Variants in PRELID2 observed in about 807,000 individuals in gnomAD.
The protein encoded by PRELID2 is PRELI domain-containing protein 2.
A neutral mutation model predicts 28.4 loss-of-function variants in PRELID2; 25 were observed. That is an observed-to-expected ratio of 0.88 (90% CI 0.64 to 1.23). PRELID2 has a LOEUF of 1.23. Among genes scored for constraint, PRELID2 ranks in the 50% most tolerant of loss-of-function variants. The pLI, the probability that PRELID2 is intolerant of heterozygous loss-of-function variation, is 0.00. For synonymous variants in PRELID2, 76 were observed against 71.6 expected (o/e 1.06, Z -0.31); for missense variants, 201 against 214.4 (o/e 0.94, Z 0.39).
At chr5:145,323,881 C>T in the PRELID2 span, among the ~76,000 whole-genome samples, 17 of 152,060 alleles carry the variant, frequency 1.1e-4, no homozygotes, top group East Asian at 3.9e-4. Flanking sequence ...CCATTTAGGT[C>T]GATTTCATGT....
intron 1 of PRELID2, among the ~76,000 whole-genome samples, chr5:145,482,868 A>G (rs1461680356): frequency 6.6e-6 from 1 of 151,778 alleles, no homozygotes; most frequent in Non-Finnish European, 1.5e-5. Flanking sequence ...CACAGTTCAC[A>G]ATAGGGTTCG....
chr5:145,630,057 T>C (rs1753910656), intron 1 of PRELID2, among the ~76,000 whole-genome samples: 1 of 152,152 alleles, frequency 6.6e-6, no homozygotes, highest in South Asian at 2.1e-4. Context: ...AAGGGTAGAC[T>C]TTTGTTTTAG....
At chr5:145,597,493 A>G (rs148060189) in intron 1 of PRELID2, among the ~76,000 whole-genome samples, 1 of 152,288 alleles carries the variant, frequency 6.6e-6, no homozygotes, top group East Asian at 1.9e-4. Context: ...GAACAATTTA[A>G]AATTCGAGAT....
rs529955191 is a variant in PRELID2 at position 145,648,258 on chromosome 5, C to T, written n.70+116673G>A. Among the ~76,000 whole-genome samples the T allele has an allele frequency of 4.6e-5, 7 of 152,172 alleles. No homozygotes were observed. In the South Asian group the frequency reaches 1.5e-3, roughly 32 times the overall value. ...CTGTGCATATCAACATGAATACATC[C>T]CTAAATAAAATGCTGGAAGTTTTTA... On this transcript the variant is annotated intron_variant and non_coding_transcript_variant, in intron 1 of 2. Transcript: ENST00000510259.
chr5:145,416,242 C>T, the PRELID2 span, among the ~76,000 whole-genome samples: 1 of 152,052 alleles, frequency 6.6e-6, no homozygotes, highest in East Asian at 1.9e-4. Context: ...GGATCCCTTC[C>T]TTACACCTTA....
At chr5:145,621,023 A>G (rs1405727366) in intron 1 of PRELID2, among the ~76,000 whole-genome samples, 3 of 152,196 alleles carry the variant, frequency 2.0e-5, no homozygotes, top group Non-Finnish European at 4.4e-5. Flanking sequence ...ACTGCCAAAA[A>G]TAAAAATAAT....
chr5:145,806,796 C>T (rs1404316628), intron 4 of PRELID2, among the ~76,000 whole-genome samples: 2 of 152,080 alleles, frequency 1.3e-5, no homozygotes, highest in Non-Finnish European at 2.9e-5. Context: ...TTAAAAGTGG[C>T]AGTTTCCCCT....
chr5:145,753,715 T>G (rs2149753712), downstream of PRELID2, among the ~76,000 whole-genome samples: 1 of 152,270 alleles, frequency 6.6e-6, no homozygotes, highest in Middle Eastern at 3.4e-3. Context: ...CACTGACCAA[T>G]AAACCAGAAA....
the PRELID2 span, among the ~76,000 whole-genome samples, chr5:145,376,042 C>A: frequency 4.6e-4 from 70 of 152,266 alleles, no homozygotes; most frequent in Admixed American, 1.4e-3. Context: ...TTGTCACAGA[C>A]GGCTCTTATT....
intron 1 of PRELID2, among the ~76,000 whole-genome samples, chr5:145,531,984 T>C (rs1394651102): frequency 6.6e-6 from 1 of 152,168 alleles, no homozygotes; most frequent in Non-Finnish European, 1.5e-5. Flanking sequence ...ATAGAAACTA[T>C]CACACAGGAG....
intron 1 of PRELID2, among the ~76,000 whole-genome samples, chr5:145,540,114 T>C (rs957284317): frequency 6.6e-6 from 1 of 151,998 alleles, no homozygotes; most frequent in Non-Finnish European, 1.5e-5. Flanking sequence ...CTGACTTGCA[T>C]CTCAACCCTA....
chr5:145,485,761 G>T (rs1183904043), intron 1 of PRELID2, among the ~76,000 whole-genome samples: 5 of 152,120 alleles, frequency 3.3e-5, no homozygotes, highest in Admixed American at 6.6e-5. Flanking sequence ...TAAGGTACAT[G>T]CTCATTCTCC....
At chr5:145,335,760 C>T in the PRELID2 span, among the ~76,000 whole-genome samples, 4 of 152,116 alleles carry the variant, frequency 2.6e-5, no homozygotes, top group African/African-American at 9.7e-5. Context: ...GCTCAAAGAA[C>T]CTTGCATAGT....
chr5:145,673,700 AAAAC>A (rs1345163412), intron 1 of PRELID2, among the ~76,000 whole-genome samples: 5 of 152,118 alleles, frequency 3.3e-5, no homozygotes, highest in East Asian at 1.9e-4. Context: ...AGACACATGC[AAAAC>A]AAACAAATTA....
intron 1 of PRELID2, among the ~76,000 whole-genome samples, chr5:145,639,475 A>C (rs1754058532): frequency 6.6e-6 from 1 of 152,190 alleles, no homozygotes; most frequent in African/African-American, 2.4e-5. Context: ...AAACTGTCTC[A>C]AACATTTAGA....
chr5:145,696,875 T>A (rs927070403), intron 1 of PRELID2, among the ~76,000 whole-genome samples: 1 of 151,488 alleles, frequency 6.6e-6, no homozygotes, highest in Admixed American at 6.6e-5. Flanking sequence ...AAAAATAGAA[T>A]GCATACAGTA....
At chr5:145,439,777 C>T in the PRELID2 span, among the ~76,000 whole-genome samples, 1 of 152,064 alleles carries the variant, frequency 6.6e-6, no homozygotes, top group Non-Finnish European at 1.5e-5. Context: ...GTACTCCTTA[C>T]CTGGATCTCC....
chr5:145,520,615 T>C (rs1339012043), intron 1 of PRELID2, among the ~76,000 whole-genome samples: 1 of 152,188 alleles, frequency 6.6e-6, no homozygotes, highest in Non-Finnish European at 1.5e-5. Flanking sequence ...GCCAGCCACC[T>C]GGCACGGGGC....
At chr5:145,438,487 A>G in the PRELID2 span, among the ~76,000 whole-genome samples, 2 of 152,090 alleles carry the variant, frequency 1.3e-5, no homozygotes, top group Admixed American at 6.6e-5. Context: ...AACCTTGAAT[A>G]AGATGCTCCA....
Sources: gnomAD v4.1 joint callset for allele counts (sites outside exome capture counted in the v4.1 genomes callset) on GRCh38, gnomAD v4.1.1 for gene constraint, MANE v1.5 for transcripts, NCBI Gene and HGNC (gene_info 2026-07-23, HGNC 2026-07-21) for gene names.